NOTCH2NLA: variants seen among roughly 807,000 people sequenced by gnomAD.
The protein encoded by NOTCH2NLA is notch homolog 2 N-terminal-like protein A.
intron 3 of NOTCH2NLA, among the ~76,000 whole-genome samples, chr1:146,159,892 C>T (rs1341999464): frequency 1.8e-4 from 6 of 32,970 alleles, no homozygotes; most frequent in East Asian, 1.1e-3. Flanking sequence ...GGCGTGAACC[C>T]GGGAGGTGGA....
At chr1:146,219,649 A>G (rs587646571) in intron 1 of NOTCH2NLA, among the ~76,000 whole-genome samples, 1 of 102,070 alleles carries the variant, frequency 9.8e-6, no homozygotes, top group East Asian at 2.3e-4. Flanking sequence ...AAAACATTCA[A>G]TATCACTGTA....
At chr1:146,154,009 A>G (rs1277609817), downstream of NOTCH2NLA, 1 of 34,848 alleles carries the variant, frequency 2.9e-5, no homozygotes, top group Non-Finnish European at 4.6e-5. Context: ...AACGCCATAC[A>G]CACACACACA....
At chr1:146,186,230 A>G (rs1662753657) in intron 2 of NOTCH2NLA, among the ~76,000 whole-genome samples, 1 of 136,270 alleles carries the variant, frequency 7.3e-6, no homozygotes, top group African/African-American at 2.5e-5. Context: ...TCTTTCTCTC[A>G]AGGAGTTTGT....
At chr1:146,178,000 CA>C (rs1297845734) in intron 2 of NOTCH2NLA, among the ~76,000 whole-genome samples, 1 of 123,228 alleles carries the variant, frequency 8.1e-6, no homozygotes, top group African/African-American at 2.6e-5. Context: ...ATTCAATATA[CA>C]CTTATGTAAA....
chr1:146,228,860 G>T (rs782502185), exon 1 of NOTCH2NLA: 3 of 1,480,464 alleles, frequency 2.0e-6, no homozygotes, highest in South Asian at 1.3e-5. Context: ...CGATAGAGGA[G>T]CCCCACTCTC....
exon 1 of NOTCH2NLA, chr1:146,228,876 C>T (rs782437674): frequency 8.8e-6 from 13 of 1,474,454 alleles, no homozygotes; most frequent in South Asian, 2.6e-5. Context: ...CTCTCTCCTC[C>T]CCTCCTCCTG....
At chr1:146,154,012 CACACACA>C (rs1661020203), downstream of NOTCH2NLA, 1 of 53,704 alleles carries the variant, frequency 1.9e-5, no homozygotes, top group East Asian at 6.2e-4. Context: ...GCCATACACA[CACACACA>C]CACACACACA....
chr1:146,170,427 C>A, intron 2 of NOTCH2NLA, among the ~76,000 whole-genome samples: 1 of 86,038 alleles, frequency 1.2e-5, no homozygotes. Flanking sequence ...AGAAGCCACA[C>A]ACAAAAGGCC....
At chr1:146,229,000 T>G in exon 1 of NOTCH2NLA, 2 of 1,378,518 alleles carry the variant, frequency 1.5e-6, no homozygotes, top group South Asian at 3.1e-5. Flanking sequence ...GCCCGAAGTT[T>G]GGCTGAAACT....
intron 2 of NOTCH2NLA, among the ~76,000 whole-genome samples, chr1:146,178,176 C>G: frequency 7.0e-6 from 1 of 141,894 alleles, no homozygotes. Context: ...CTATCCCAAA[C>G]AACTGGCCAA....
At chr1:146,180,895 T>C (rs1662518725) in intron 2 of NOTCH2NLA, among the ~76,000 whole-genome samples, 1 of 109,934 alleles carries the variant, frequency 9.1e-6, no homozygotes, top group African/African-American at 2.9e-5. Context: ...AGGGCAGATG[T>C]AGACAAAATT....
chr1:146,159,393 GAGAA>G (rs201617510), intron 3 of NOTCH2NLA, among the ~76,000 whole-genome samples: 2,391 of 109,424 alleles, frequency 0.022, 5 homozygotes, highest in Middle Eastern at 0.032. Flanking sequence ...GAGAAAGAGA[GAGAA>G]AGAAAGAAAG....
exon 1 of NOTCH2NLA, chr1:146,228,842 G>A (rs1455848194): frequency 2.7e-6 from 4 of 1,508,820 alleles, no homozygotes; most frequent in Non-Finnish European, 3.5e-6. Context: ...CACATGGGGA[G>A]GGGGTCCCGA....
At chr1:146,196,221 C>A (rs2596075) in intron 1 of NOTCH2NLA, among the ~76,000 whole-genome samples, 8,309 of 86,772 alleles carry the variant, frequency 0.096, 3,107 homozygotes, top group African/African-American at 0.43. Context: ...GGTATCCAGA[C>A]TTGATGGACT....
At position 146,219,621 on chromosome 1, in the gene NOTCH2NLA, C is replaced by T. The variant is rs868922899; in HGVS notation, c.-45+9088G>A. 4.8e-5 allele frequency among the ~76,000 whole-genome samples: 5 copies of T among 103,530 alleles called. 2 individuals are homozygous for T. Among genetic ancestry groups the T allele is most frequent in the African/African-American group, 2.0e-4 (4 of 19,524 alleles). The allele number at this position is 103,530 out of a possible 152,430, so 67.9% of individuals were successfully genotyped here. ...GAAGTAGGAAAAAAGGCAATACAAA[C>T]GCCACTGATGATATGAAAAAACATT... On this transcript the variant is annotated intron_variant, in intron 1 of 4. Coordinates refer to ENST00000362074, the Ensembl canonical transcript of NOTCH2NLA.
At chr1:146,162,017 A>G (rs1661533038) in intron 3 of NOTCH2NLA, among the ~76,000 whole-genome samples, 1 of 105,648 alleles carries the variant, frequency 9.5e-6, no homozygotes, top group Non-Finnish European at 1.9e-5. Context: ...TGGGTAGAAG[A>G]AGGTAGTCAT....
intron 2 of NOTCH2NLA, among the ~76,000 whole-genome samples, chr1:146,172,606 T>C (rs1662044051): frequency 6.6e-6 from 1 of 151,284 alleles, no homozygotes; most frequent in Non-Finnish European, 1.5e-5. Flanking sequence ...TAGGTTCCTT[T>C]CTTCCACCCT....
At chr1:146,195,049 C>A (rs587764562) in intron 1 of NOTCH2NLA, among the ~76,000 whole-genome samples, 6 of 109,814 alleles carry the variant, frequency 5.5e-5, no homozygotes, top group African/African-American at 8.2e-5. Flanking sequence ...GGCCACCCCC[C>A]CCCATCCTTG....
intron 1 of NOTCH2NLA, among the ~76,000 whole-genome samples, chr1:146,203,936 T>C (rs1663491011): frequency 6.6e-6 from 1 of 151,342 alleles, no homozygotes; most frequent in Non-Finnish European, 1.5e-5. Context: ...TTAAAAAAGA[T>C]CACTCCTCTG....
Sources: allele counts gnomAD v4.1 joint callset (sites outside exome capture counted in the v4.1 genomes callset), GRCh38; gene constraint gnomAD v4.1.1; transcripts MANE v1.5; gene names NCBI Gene and HGNC (gene_info 2026-07-23, HGNC 2026-07-21).